Variants in KATNAL1 observed in about 807,000 individuals in gnomAD.
KATNAL1 encodes katanin p60 ATPase-containing subunit A-like 1.
KATNAL1 carries 32 observed loss-of-function variants against 55.2 expected under a neutral mutation model. The observed-to-expected ratio is 0.58, with a 90% CI of 0.44 to 0.78. The LOEUF is 0.78. Ranked by LOEUF, KATNAL1 falls within the 30% of genes least tolerant of loss-of-function variation. KATNAL1 has a pLI of 0.00. For synonymous variants in KATNAL1, 193 were observed against 193.6 expected (o/e 1.00, Z 0.02); for missense variants, 466 against 600.9 (o/e 0.78, Z 2.35).
At chr13:30,251,056 T>C (rs936804742) in intron 4 of KATNAL1, among the ~76,000 whole-genome samples, 7 of 144,846 alleles carry the variant, frequency 4.8e-5, no homozygotes, top group African/African-American at 1.8e-4. Flanking sequence ...GAGAATGGTG[T>C]GAACCCAGGA....
chr13:30,275,189 C>T (rs1000817077), intron 3 of KATNAL1, among the ~76,000 whole-genome samples: 6 of 152,124 alleles, frequency 3.9e-5, no homozygotes, highest in African/African-American at 1.4e-4. Flanking sequence ...CCAACATCTG[C>T]TTGGCTTATG....
At chr13:30,256,807 G>C (rs1464796607) in intron 3 of KATNAL1, among the ~76,000 whole-genome samples, 2 of 152,130 alleles carry the variant, frequency 1.3e-5, no homozygotes, top group African/African-American at 4.8e-5. Flanking sequence ...GGCAAAAACC[G>C]TATGTCTATC....
At position 30,203,023 on chromosome 13, in the gene KATNAL1, G is replaced by C. The variant is rs1872822756; in HGVS notation, c.*5517C>G. 1 of 152,148 alleles carries C rather than the reference G, an allele frequency of 6.6e-6. No homozygotes were observed. Among genetic ancestry groups the C allele is most frequent in the African/African-American group, 2.4e-5 (1 of 41,416 alleles). 9.4% of individuals were successfully genotyped at this position (152,148 alleles called of 1,614,324 possible). A position where few individuals can be genotyped will look rare whatever the true frequency, so the allele number is the denominator to read the frequency against. ...CTCAGGTTTTTAGAGAATGAACATAGGAACATGTAGGATCCACAATTTTTA... is the reference window on the plus strand; with the variant it reads ...CTCAGGTTTTTAGAGAATGAACATACGAACATGTAGGATCCACAATTTTTA... On this transcript the variant is annotated 3_prime_UTR_variant, in exon 11 of 11. Transcript: ENST00000380615.
At position 30,260,764 on chromosome 13, in the gene KATNAL1, G is replaced by A. The variant is rs145583355; in HGVS notation, c.324-5149C>T. On this transcript the variant is annotated intron_variant, in intron 3 of 10. Transcript: ENST00000380615. ...TCTGATTTGTGTACCTGAAAGTGAC[G>A]GGAGAATGGAACCAAGTTGGAAAAC... 3.3e-3 allele frequency among the ~76,000 whole-genome samples: 466 copies of A among 143,182 alleles called. 24 individuals carry two copies. In the East Asian group the frequency reaches 0.066, roughly 20 times the overall value. The allele number at this position is 143,182 out of a possible 152,430, so 93.9% of individuals were successfully genotyped here.
chr13:30,227,773 T>C (rs1875659438), intron 8 of KATNAL1, among the ~76,000 whole-genome samples: 1 of 152,056 alleles, frequency 6.6e-6, no homozygotes, highest in Non-Finnish European at 1.5e-5. Flanking sequence ...TCTTTTTTTT[T>C]TCTTGTGCAA....
At chr13:30,263,523 C>G (rs1167204415) in intron 3 of KATNAL1, among the ~76,000 whole-genome samples, 1 of 152,008 alleles carries the variant, frequency 6.6e-6, no homozygotes, top group African/African-American at 2.4e-5. Flanking sequence ...TCAGCAAAGT[C>G]TCAGTATACA....
At chr13:30,290,328 A>G (rs954899804) in intron 1 of KATNAL1, among the ~76,000 whole-genome samples, 9 of 150,234 alleles carry the variant, frequency 6.0e-5, no homozygotes, top group East Asian at 3.9e-4. Flanking sequence ...GAAAGAGAGA[A>G]AAAAAAAAAT....
intron 3 of KATNAL1, among the ~76,000 whole-genome samples, chr13:30,267,989 A>G (rs1020768332): frequency 2.6e-5 from 4 of 152,254 alleles, no homozygotes; most frequent in African/African-American, 9.6e-5. Flanking sequence ...GTAGAATTTT[A>G]AAGACAGAAG....
chr13:30,275,882 C>T (rs1247266073), intron 3 of KATNAL1, among the ~76,000 whole-genome samples: 3 of 151,722 alleles, frequency 2.0e-5, no homozygotes, highest in African/African-American at 7.3e-5. Context: ...AAAAAAGGAC[C>T]TACCATATTT....
intron 3 of KATNAL1, among the ~76,000 whole-genome samples, chr13:30,271,732 G>C (rs1029585697): frequency 6.6e-6 from 1 of 152,100 alleles, no homozygotes; most frequent in Non-Finnish European, 1.5e-5. Context: ...GGATTGTCAA[G>C]TTCTGTGCAA....
At chr13:30,238,529 TCC>T (rs1405038599) in intron 6 of KATNAL1, among the ~76,000 whole-genome samples, 1 of 152,174 alleles carries the variant, frequency 6.6e-6, no homozygotes, top group Non-Finnish European at 1.5e-5. Flanking sequence ...ACATCATTCA[TCC>T]CCCTCTAAGT....
chr13:30,211,050 T>A (rs1873644878), intron 9 of KATNAL1, among the ~76,000 whole-genome samples: 1 of 152,242 alleles, frequency 6.6e-6, no homozygotes, highest in Non-Finnish European at 1.5e-5. Context: ...TAGAGAATTT[T>A]TAAAATAACC....
intron 4 of KATNAL1, among the ~76,000 whole-genome samples, chr13:30,245,338 C>T (rs767798583): frequency 2.0e-4 from 31 of 152,094 alleles, no homozygotes; most frequent in East Asian, 5.8e-4. Context: ...AAAAGGCCTT[C>T]GATAAAATTC....
At chr13:30,300,426 G>C (rs1050716390) in intron 1 of KATNAL1, among the ~76,000 whole-genome samples, 4 of 151,702 alleles carry the variant, frequency 2.6e-5, no homozygotes, top group Admixed American at 6.6e-5. Flanking sequence ...ACACTAATTA[G>C]AACAGTGGTA....
intron 3 of KATNAL1, among the ~76,000 whole-genome samples, chr13:30,272,631 C>T (rs575930447): frequency 6.6e-6 from 1 of 151,978 alleles, no homozygotes; most frequent in South Asian, 2.1e-4. Context: ...CTTTCAGTTG[C>T]CTTTTCTGTA....
rs569295495 is a variant in KATNAL1, at chr13:30,208,317, A to C, written c.*223T>G. 8.7e-6 allele frequency: 4 copies of C among 460,058 alleles called. No individual in the cohort carries two copies. Among genetic ancestry groups the C allele is most frequent in the Non-Finnish European group, 1.5e-5 (4 of 260,832 alleles). 28.5% of individuals were successfully genotyped at this position (460,058 alleles called of 1,614,324 possible). On this transcript the variant is annotated 3_prime_UTR_variant, in exon 11 of 11. Transcript: ENST00000380615. ...TTTGGGTGTGCAATATTAATGCAGG[A>C]ATACGTGGAATACCAGCACAAAGCC...
chr13:30,274,892 C>CATACGT (rs1555265583), intron 3 of KATNAL1, among the ~76,000 whole-genome samples: 2 of 88,144 alleles, frequency 2.3e-5, no homozygotes, highest in Admixed American at 1.1e-4. Context: ...CACACACATA[C>CATACGT]GCGCGCGCGC....
At chr13:30,269,655 G>C (rs1880097734) in intron 3 of KATNAL1, among the ~76,000 whole-genome samples, 1 of 151,508 alleles carries the variant, frequency 6.6e-6, no homozygotes, top group Admixed American at 6.6e-5. Flanking sequence ...CCCATCGTCT[G>C]GGATGTGAGG....
chr13:30,214,598 G>C (rs1371944586), intron 9 of KATNAL1, among the ~76,000 whole-genome samples: 3 of 152,138 alleles, frequency 2.0e-5, no homozygotes, highest in Admixed American at 6.5e-5. Context: ...GAACAGAACA[G>C]AGTCCTCAGA....
Sources: gnomAD v4.1 joint callset for allele counts (sites outside exome capture counted in the v4.1 genomes callset) on GRCh38, gnomAD v4.1.1 for gene constraint, MANE v1.5 for transcripts, NCBI Gene and HGNC (gene_info 2026-07-23, HGNC 2026-07-21) for gene names.